IL1RAPL2: variants seen among roughly 807,000 people sequenced by gnomAD.
IL1RAPL2 encodes interleukin 1 receptor accessory protein like 2.
A neutral mutation model predicts 44.1 loss-of-function variants in IL1RAPL2; 3 were observed. The observed-to-expected ratio is 0.07, with a 90% CI of 0.03 to 0.18. The LOEUF (loss-of-function observed/expected upper bound fraction) is 0.18, where lower values mean the gene tolerates loss of function less well. Among genes scored for constraint, IL1RAPL2 ranks in the 10% least tolerant of loss-of-function variants. The pLI is 1.00. For synonymous variants in IL1RAPL2, 181 were observed against 178.8 expected, an observed-to-expected ratio of 1.01 and a Z score of -0.10; for missense variants, 391 against 496.4, an observed-to-expected ratio of 0.79 and a Z score of 2.02.
intron 5 of IL1RAPL2, among the ~76,000 whole-genome samples, chrX:105,390,932 G>C (rs1291284140): frequency 9.0e-6 from 1 of 111,268 alleles, no homozygotes; most frequent in African/African-American, 3.3e-5. Flanking sequence ...ATGGATGTTG[G>C]AATAAAGACC....
At chrX:105,637,369 G>A (rs73636260) in intron 6 of IL1RAPL2, among the ~76,000 whole-genome samples, 9,591 of 111,635 alleles carry the variant, frequency 0.086, 997 homozygotes, top group African/African-American at 0.3. Context: ...TTTGAAACTG[G>A]AAGACTGATT....
At chrX:104,902,288 G>A (rs1453294857) in intron 2 of IL1RAPL2, among the ~76,000 whole-genome samples, 1 of 111,984 alleles carries the variant, frequency 8.9e-6, no homozygotes, top group Non-Finnish European at 1.9e-5. Flanking sequence ...TTCTTACCAA[G>A]TACTTTTTGA....
At position 105,311,067 on chromosome X, in the gene IL1RAPL2, G is replaced by A. The variant is rs781753656; in HGVS notation, c.697+43526G>A. 1.2e-3 allele frequency among the ~76,000 whole-genome samples: 138 copies of A among 111,110 alleles called. 1 individual carries two copies. Among genetic ancestry groups the A allele is most frequent in the Non-Finnish European group, 1.7e-3 (90 of 52,775 alleles). ...ATTGACCCCTTTGCCATTACAAAAT[G>A]TCCTTCTTTATCTTTGGGAATACTC... On this transcript the variant is annotated intron_variant, in intron 5 of 10. Coordinates refer to ENST00000372582, the MANE Select transcript of IL1RAPL2 (RefSeq NM_017416.2).
chrX:104,805,215 G>C (rs2147615422), intron 2 of IL1RAPL2, among the ~76,000 whole-genome samples: 1 of 111,754 alleles, frequency 8.9e-6, no homozygotes, highest in African/African-American at 3.2e-5. Flanking sequence ...GAGTATAAAA[G>C]CACATGTTAA....
intron 2 of IL1RAPL2, among the ~76,000 whole-genome samples, chrX:105,114,542 G>A (rs1183987850): frequency 4.8e-5 from 5 of 103,845 alleles, no homozygotes; most frequent in African/African-American, 1.8e-4. Context: ...ACCGGAGACT[G>A]ATTACTGCTA....
chrX:105,246,633 T>G (rs935800341), intron 4 of IL1RAPL2, among the ~76,000 whole-genome samples: 14 of 111,517 alleles, frequency 1.3e-4, no homozygotes, highest in Non-Finnish European at 2.4e-4. Flanking sequence ...CTTGTCTGGA[T>G]GTAGTGATAT....
intron 5 of IL1RAPL2, among the ~76,000 whole-genome samples, chrX:105,318,953 AC>A (rs1358919320): frequency 8.9e-6 from 1 of 112,394 alleles, no homozygotes; most frequent in Non-Finnish European, 1.9e-5. Context: ...TTTCATGCCC[AC>A]TGGCAGCCCA....
intron 5 of IL1RAPL2, among the ~76,000 whole-genome samples, chrX:105,394,552 T>C (rs886792461): frequency 1.8e-5 from 2 of 111,068 alleles, no homozygotes; most frequent in Non-Finnish European, 3.8e-5. Flanking sequence ...TCAGTCTTTC[T>C]CTTCTTCTAA....
intron 2 of IL1RAPL2, among the ~76,000 whole-genome samples, chrX:105,027,824 T>A (rs1333815839): frequency 9.0e-6 from 1 of 111,728 alleles, no homozygotes; most frequent in Non-Finnish European, 1.9e-5. Flanking sequence ...ATCTCACTGC[T>A]GGGCACATAC....
At chrX:105,418,188 T>G (rs2035747973) in intron 5 of IL1RAPL2, among the ~76,000 whole-genome samples, 1 of 110,225 alleles carries the variant, frequency 9.1e-6, no homozygotes, top group South Asian at 3.9e-4. Context: ...CGTGTCTGGC[T>G]TATAGTTAGT....
intron 6 of IL1RAPL2, among the ~76,000 whole-genome samples, chrX:105,506,820 C>T (rs891136401): frequency 2.7e-5 from 3 of 111,855 alleles, no homozygotes; most frequent in Non-Finnish European, 5.6e-5. Flanking sequence ...TTGTTTTTCA[C>T]ATGAGAAAAC....
At chrX:105,478,393 A>G (rs1394208267) in intron 5 of IL1RAPL2, among the ~76,000 whole-genome samples, 1 of 111,072 alleles carries the variant, frequency 9.0e-6, no homozygotes, top group Non-Finnish European at 1.9e-5. Flanking sequence ...AACTGCTTTT[A>G]GGAGATTCTT....
At chrX:105,245,639 CT>C (rs1309839274) in intron 4 of IL1RAPL2, among the ~76,000 whole-genome samples, 1 of 112,402 alleles carries the variant, frequency 8.9e-6, no homozygotes, top group Non-Finnish European at 1.9e-5. Context: ...GATAAGGATT[CT>C]TTTTTAAATT....
chrX:105,276,313 CAGG>C (rs2034485932), intron 5 of IL1RAPL2, among the ~76,000 whole-genome samples: 1 of 112,612 alleles, frequency 8.9e-6, no homozygotes, highest in African/African-American at 3.2e-5. Context: ...GAGGCTGAGG[CAGG>C]AGAATTGCTT....
At chrX:104,587,227 G>C (rs187753614) in intron 1 of IL1RAPL2, among the ~76,000 whole-genome samples, 1 of 111,705 alleles carries the variant, frequency 9.0e-6, no homozygotes, top group East Asian at 2.8e-4. Context: ...GAATTGTGTG[G>C]GGAATAAATG....
intron 5 of IL1RAPL2, among the ~76,000 whole-genome samples, chrX:105,309,593 G>C (rs892852895): frequency 9.2e-6 from 1 of 108,574 alleles, no homozygotes; most frequent in Non-Finnish European, 1.9e-5. Flanking sequence ...TTAGTTGGGC[G>C]TGGTGGCACA....
chrX:105,750,429 A>G (rs2038586879), intron 9 of IL1RAPL2, among the ~76,000 whole-genome samples: 1 of 98,224 alleles, frequency 1.0e-5, no homozygotes, highest in Non-Finnish European at 2.0e-5. Flanking sequence ...GCATGCCACC[A>G]TGCCTGGCCA....
chrX:105,138,898 T>TATCA (rs965373351), intron 2 of IL1RAPL2, among the ~76,000 whole-genome samples: 7 of 111,333 alleles, frequency 6.3e-5, no homozygotes, highest in African/African-American at 2.3e-4. Context: ...CCTGTGAGAC[T>TATCA]ATCATTCCTG....
At chrX:104,966,333 A>T (rs1467835575) in intron 2 of IL1RAPL2, among the ~76,000 whole-genome samples, 1 of 111,751 alleles carries the variant, frequency 8.9e-6, no homozygotes, top group Non-Finnish European at 1.9e-5. Context: ...CATGCTACTT[A>T]TCAGACTTTT....
Sources: allele counts gnomAD v4.1 joint callset (sites outside exome capture counted in the v4.1 genomes callset), GRCh38; gene constraint gnomAD v4.1.1; transcripts MANE v1.5; gene names NCBI Gene and HGNC (gene_info 2026-07-23, HGNC 2026-07-21).